The following ST8SIA6 variants were observed in gnomAD, a reference collection of about 807,000 sequenced individuals.
ST8SIA6 encodes alpha-2,8-sialyltransferase 8F.
ST8SIA6 carries 39 observed loss-of-function variants against 33.6 expected under a neutral mutation model. The ratio of observed to expected loss-of-function variants is 1.16; its 90% CI spans 0.90 to 1.52. The LOEUF (loss-of-function observed/expected upper bound fraction) is 1.52, where lower values mean the gene tolerates loss of function less well. Ranked by LOEUF, ST8SIA6 falls within the 40% of genes most tolerant of loss-of-function variation. ST8SIA6 has a pLI of 0.00. For synonymous variants in ST8SIA6, 172 were observed against 167.2 expected, an observed-to-expected ratio of 1.03 and a Z score of -0.22; for missense variants, 441 against 443.8, an observed-to-expected ratio of 0.99 and a Z score of 0.06.
chr10:17,374,752 A>AATAT (rs945167221), intron 3 of ST8SIA6, among the ~76,000 whole-genome samples: 8 of 123,314 alleles, frequency 6.5e-5, no homozygotes, highest in Admixed American at 2.4e-4. Flanking sequence ...ATAAATAATA[A>AATAT]ATATATATAT....
intron 4 of ST8SIA6, among the ~76,000 whole-genome samples, chr10:17,349,152 C>A (rs1442041235): frequency 6.6e-6 from 1 of 152,168 alleles, no homozygotes; most frequent in Non-Finnish European, 1.5e-5. Context: ...GACCTACTTT[C>A]CATCATGAAA....
intron 2 of ST8SIA6, among the ~76,000 whole-genome samples, chr10:17,431,803 C>T (rs1158415891): frequency 4.8e-4 from 73 of 151,726 alleles, no homozygotes; most frequent in Admixed American, 4.8e-3. Flanking sequence ...ATTATTATTC[C>T]AGGCACAACA....
At chr10:17,432,072 C>T (rs1852119214) in intron 2 of ST8SIA6, among the ~76,000 whole-genome samples, 1 of 152,072 alleles carries the variant, frequency 6.6e-6, no homozygotes, top group Non-Finnish European at 1.5e-5. Flanking sequence ...CATGAAAGAC[C>T]CTTAGTCCAG....
chr10:17,411,464 T>G (rs1039983931), intron 2 of ST8SIA6, among the ~76,000 whole-genome samples: 1 of 152,184 alleles, frequency 6.6e-6, no homozygotes, highest in African/African-American at 2.4e-5. Flanking sequence ...ATTACAGGCA[T>G]GAGCCACTGC....
intron 2 of ST8SIA6, among the ~76,000 whole-genome samples, chr10:17,415,736 C>G (rs1003519117): frequency 1.3e-5 from 2 of 151,848 alleles, no homozygotes; most frequent in Non-Finnish European, 2.9e-5. Flanking sequence ...GCTCTCTCAC[C>G]CAACATGGCT....
intron 4 of ST8SIA6, among the ~76,000 whole-genome samples, chr10:17,350,507 A>G (rs1043441613): frequency 1.3e-5 from 2 of 152,152 alleles, no homozygotes; most frequent in Non-Finnish European, 1.5e-5. Context: ...TGGGCCACAT[A>G]GTGAGACCCT....
At chr10:17,359,436 T>A in intron 4 of ST8SIA6, 78 bp downstream of exon 4, 1 of 1,169,500 alleles carries the variant, frequency 8.6e-7, no homozygotes. Flanking sequence ...CTCTTTTTAA[T>A]AACATATTGC....
At chr10:17,375,701 A>G (rs1201461731) in intron 3 of ST8SIA6, among the ~76,000 whole-genome samples, 1 of 152,228 alleles carries the variant, frequency 6.6e-6, no homozygotes, top group African/African-American at 2.4e-5. Context: ...CCAGAAAGCT[A>G]TCTGAATACA....
At chr10:17,429,999 G>C (rs11254591) in intron 2 of ST8SIA6, among the ~76,000 whole-genome samples, 59,570 of 151,904 alleles carry the variant, frequency 0.39, 15,342 homozygotes, top group African/African-American at 0.74. Flanking sequence ...ACCCATCGCC[G>C]GAGCAGTGTA....
rs1169350124 is a variant in ST8SIA6 at position 17,320,832 on chromosome 10, A to G, written c.*46T>C. ...TTGGTGTTTGGAGACATTGTTAATC[A>G]CCTACTGCATTATATTAAAATTATT... On this transcript the variant is annotated 3_prime_UTR_variant, in exon 8 of 8. Transcript: ENST00000377602. 4 of 1,575,126 alleles carry G rather than the reference A, an allele frequency of 2.5e-6. No homozygotes were observed. Among genetic ancestry groups the G allele is most frequent in the Admixed American group, 3.4e-5 (2 of 59,006 alleles).
intron 2 of ST8SIA6, among the ~76,000 whole-genome samples, chr10:17,392,319 A>C (rs551538886): frequency 6.6e-6 from 1 of 152,286 alleles, no homozygotes; most frequent in African/African-American, 2.4e-5. Context: ...AGATGGAGAC[A>C]CCCAAGGATG....
chr10:17,359,371 T>G, intron 4 of ST8SIA6, 143 bp downstream of exon 4: 11 of 569,904 alleles, frequency 1.9e-5, no homozygotes, highest in Admixed American at 3.6e-5. Context: ...CTGTGCCTCA[T>G]GAGAGGGTCT....
intron 4 of ST8SIA6, among the ~76,000 whole-genome samples, chr10:17,358,148 A>T (rs569864307): frequency 1.7e-4 from 26 of 152,330 alleles, no homozygotes; most frequent in African/African-American, 6.0e-4. Context: ...AAGTCATGAT[A>T]TCCATGTGTC....
rs143143361 is a variant in ST8SIA6, at chr10:17,378,273, T to C, written c.290+12258A>G. On this transcript the variant is annotated intron_variant, in intron 3 of 7. Coordinates refer to ENST00000377602, the MANE Select transcript of ST8SIA6 (RefSeq NM_001004470.3). Reference sequence around the variant, plus strand: ...TCTGCCTTGAAAAAGATGTCTTCCATGATTAGAGAATTTTCATCCTCGCTC... The same window carrying C: ...TCTGCCTTGAAAAAGATGTCTTCCACGATTAGAGAATTTTCATCCTCGCTC... 5.8e-3 allele frequency among the ~76,000 whole-genome samples: 879 copies of C among 152,328 alleles called. 3 individuals carry two copies. Among genetic ancestry groups the C allele is most frequent in the Middle Eastern group, 0.017 (5 of 294 alleles).
chr10:17,323,117 C>T lies in ST8SIA6; in HGVS notation c.676G>A (p.Val226Ile), dbSNP rs748684240. 12 of 1,613,642 alleles carry T rather than the reference C, an allele frequency of 7.4e-6. 1 individual carries two copies. In the South Asian group the frequency reaches 9.9e-5, roughly 13 times the overall value. Residue 226 changes from valine to isoleucine, a missense_variant, in exon 7 of 8, where the codon GTT becomes ATT. Physicochemically the swap from Val to Ile is conservative, Grantham distance 29 (BLOSUM62 3). Coordinates refer to ENST00000377602, the MANE Select transcript of ST8SIA6 (RefSeq NM_001004470.3). ...GTCACAAGATTTGTTTTACTGCCAA[C>T]ATCTTTACTAACATCTCCTGTGGTT... is the stretch of plus-strand genomic sequence containing the variant. ...PPTTGDVSKD[V>I]GSKTNLVTIN... is the part of the protein sequence containing the mutation.
intron 4 of ST8SIA6, among the ~76,000 whole-genome samples, chr10:17,336,203 C>G (rs978736803): frequency 2.6e-5 from 4 of 152,076 alleles, no homozygotes; most frequent in Non-Finnish European, 5.9e-5. Context: ...GTGATTTGCC[C>G]GCCTCAGCCT....
intron 2 of ST8SIA6, among the ~76,000 whole-genome samples, chr10:17,401,675 T>C (rs991430617): frequency 4.6e-5 from 7 of 152,114 alleles, no homozygotes; most frequent in African/African-American, 7.2e-5. Context: ...AAACAAGAAA[T>C]GGGGAAAGGA....
chr10:17,409,327 A>T (rs1851371022), intron 2 of ST8SIA6: 1 of 152,664 alleles, frequency 6.6e-6, no homozygotes, highest in South Asian at 2.1e-4. Context: ...TCAGGAAAGC[A>T]TCAGGTTCAA....
chr10:17,398,091 CT>C (rs1850885468), intron 2 of ST8SIA6, among the ~76,000 whole-genome samples: 1 of 152,130 alleles, frequency 6.6e-6, no homozygotes. Context: ...CTTTGGGAGG[CT>C]GCGGCGGGTG....
Sources: allele counts gnomAD v4.1 joint callset (sites outside exome capture counted in the v4.1 genomes callset), GRCh38; gene constraint gnomAD v4.1.1; transcripts MANE v1.5; gene names NCBI Gene and HGNC (gene_info 2026-07-23, HGNC 2026-07-21).